The following CFAP58 variants were observed in gnomAD, a reference collection of about 807,000 sequenced individuals.
CFAP58 encodes cilia and flagella associated protein 58.
Under a neutral mutation model 119.5 loss-of-function variants are expected in CFAP58, and 88 were observed. That is an observed-to-expected ratio of 0.74 (90% confidence interval 0.62 to 0.88). The LOEUF (loss-of-function observed/expected upper bound fraction) is 0.88, where lower values mean the gene tolerates loss of function less well. Among genes scored for constraint, CFAP58 ranks in the 40% least tolerant of loss-of-function variants. The probability of loss-of-function intolerance (pLI) is 0.00; values close to 1 mark genes in which losing one functional copy is unlikely to be tolerated. For synonymous variants in CFAP58, 365 were observed against 366.3 expected (o/e 1.00, Z 0.04); for missense variants, 990 against 1,021.2 (o/e 0.97, Z 0.42).
At position 104,358,632 on chromosome 10, in the gene CFAP58, C is replaced by T; in HGVS notation, c.291+10C>T. On this transcript the variant is annotated intron_variant, in intron 2 of 17. Coordinates refer to ENST00000369704, the MANE Select transcript of CFAP58 (RefSeq NM_001008723.2). The stretch of plus-strand genomic sequence containing the variant: ...TGCATCCCTAAAGAAGGTCAGTGAT[C>T]TTCTAGAAATGGAATGAACCTGAAT... 1 of 1,601,580 alleles carries T rather than the reference C, an allele frequency of 6.2e-7. No homozygotes were observed. The highest frequency in any genetic ancestry group is 8.5e-7 in the Non-Finnish European group (1 of 1,171,828).
At chr10:104,388,951 A>G (rs887409231) in intron 9 of CFAP58, among the ~76,000 whole-genome samples, 4 of 152,118 alleles carry the variant, frequency 2.6e-5, no homozygotes, top group African/African-American at 9.7e-5. Context: ...AAAACTTTCT[A>G]TATTTGGATG....
intron 3 of CFAP58, among the ~76,000 whole-genome samples, chr10:104,364,022 A>G (rs2014706613): frequency 6.6e-6 from 1 of 152,224 alleles, no homozygotes; most frequent in Non-Finnish European, 1.5e-5. Flanking sequence ...AATTCAAATC[A>G]ATGAATATTA....
At position 104,416,184 on chromosome 10, in the gene CFAP58, C is replaced by G. The variant is rs145140116; in HGVS notation, c.2256+9391C>G. 3.9e-5 allele frequency among the ~76,000 whole-genome samples: 6 copies of G among 152,290 alleles called. No homozygotes were observed. The East Asian group carries it at 9.6e-4, about 24-fold the overall frequency. ...CATGTGTGGAAGTAGTGATGTATTA[C>G]TAGAAGGGTTAATTACGTTCGGGGG... On this transcript the variant is annotated intron_variant, in intron 15 of 17. Transcript: ENST00000369704.
Position 104,364,753 on chromosome 10 carries a change from T to C in CFAP58, c.461T>C (p.Phe154Ser), listed in dbSNP as rs144185091. ...TTTAGCATCCGAGATTTACTGAGGT[T>C]CAAAGAAGAAGTGACAAAGGAGAGA... ...QHSNIRDLLRFKEEVTKERDQ... is the reference protein window; with the variant it reads ...QHSNIRDLLRSKEEVTKERDQ... Residue 154 changes from phenylalanine (F) to serine (S), a missense_variant, in exon 4 of 18, where the codon TTC becomes TCC. Physicochemically the swap from Phe to Ser is radical, Grantham distance 155. Coordinates refer to ENST00000369704, the MANE Select transcript of CFAP58 (RefSeq NM_001008723.2). 0.01 allele frequency: 16,140 copies of C among 1,610,878 alleles called. 107 individuals are homozygous for C. The highest frequency in any genetic ancestry group is 0.012 in the Non-Finnish European group (14,681 of 1,179,074).
At chr10:104,393,496 G>C (rs769352236) in intron 11 of CFAP58, 21 bp downstream of exon 11, 21 of 1,602,824 alleles carry the variant, frequency 1.3e-5, no homozygotes, top group Non-Finnish European at 1.8e-5. Flanking sequence ...CATAGTAAAA[G>C]CAAAGTACCA....
chr10:104,427,055 A>G (rs138990859), intron 15 of CFAP58, among the ~76,000 whole-genome samples: 262 of 152,348 alleles, frequency 1.7e-3, no homozygotes, highest in African/African-American at 5.4e-3. Flanking sequence ...TTGCTGTTAC[A>G]ATGCCCAAGG....
chr10:104,371,193 T>G, intron 7 of CFAP58, 139 bp downstream of exon 7: 1 of 735,318 alleles, frequency 1.4e-6, no homozygotes, highest in Non-Finnish European at 2.1e-6. Context: ...TGGTAAACAG[T>G]CAATATGGGG....
chr10:104,340,194 C>T, the CFAP58 span, among the ~76,000 whole-genome samples: 28 of 152,282 alleles, frequency 1.8e-4, no homozygotes, highest in Admixed American at 4.6e-4. Flanking sequence ...ATGAACTGGC[C>T]TCTGCTTATC....
At chr10:104,368,683 G>C (rs902800230) in intron 6 of CFAP58, 123 bp downstream of exon 6, 3 of 1,013,670 alleles carry the variant, frequency 3.0e-6, no homozygotes, top group Non-Finnish European at 4.4e-6. Flanking sequence ...ACACATCAGA[G>C]GCAGGTGCAA....
intron 9 of CFAP58, among the ~76,000 whole-genome samples, chr10:104,384,875 TAG>T (rs2011890779): frequency 6.6e-6 from 1 of 151,496 alleles, no homozygotes; most frequent in Admixed American, 6.6e-5. Context: ...GAGCAGGAAA[TAG>T]GGAGTAGATA....
chr10:104,448,572 TC>T (rs951412965), intron 16 of CFAP58, among the ~76,000 whole-genome samples: 10 of 152,236 alleles, frequency 6.6e-5, no homozygotes, highest in Non-Finnish European at 1.3e-4. Context: ...TTCTGGCACT[TC>T]CTGCCCAATG....
intron 16 of CFAP58, 117 bp from the exon 17 acceptor site, chr10:104,449,954 A>C: frequency 1.0e-6 from 1 of 1,000,656 alleles, no homozygotes; most frequent in Non-Finnish European, 1.5e-6. Flanking sequence ...ATTAATTGTG[A>C]AACTTGGGCA....
chr10:104,437,846 G>T (rs147396860), intron 15 of CFAP58, among the ~76,000 whole-genome samples: 2,081 of 152,088 alleles, frequency 0.014, 30 homozygotes, highest in South Asian at 0.053. Flanking sequence ...AACCATAAAA[G>T]AAATATGTAT....
intron 14 of CFAP58, among the ~76,000 whole-genome samples, chr10:104,405,958 G>A (rs1397491678): frequency 3.3e-5 from 5 of 152,170 alleles, no homozygotes; most frequent in Non-Finnish European, 7.4e-5. Flanking sequence ...TTAACCAGGT[G>A]TGGTGGCATG....
chr10:104,403,770 G>C lies in CFAP58; in HGVS notation c.2081G>C (p.Arg694Thr), dbSNP rs2012309345. The C allele has an allele frequency of 6.2e-7, 1 of 1,612,400 alleles. No homozygotes were observed. The highest frequency in any genetic ancestry group is 1.3e-5 in the African/African-American group (1 of 74,870). The change falls in exon 14 of 18, where the codon AGG becomes ACG. Residue 694 changes from arginine to threonine, a missense_variant. Physicochemically the swap from Arg to Thr is moderately conservative, Grantham distance 71 (BLOSUM62 -1). Transcript: ENST00000369704. ...FHMQRELLKE[R>T]TRCRALEEEL... ...ATGCAAAGAGAATTGTTGAAGGAGAGGACACGCTGCCGAGCCCTGGAGGAG... is the reference window on the plus strand; with the variant it reads ...ATGCAAAGAGAATTGTTGAAGGAGACGACACGCTGCCGAGCCCTGGAGGAG...
intron 5 of CFAP58, 129 bp from the exon 6 acceptor site, chr10:104,368,294 A>T (rs991763106): frequency 2.5e-6 from 2 of 785,308 alleles, no homozygotes; most frequent in African/African-American, 3.5e-5. Context: ...AATAAAGAAC[A>T]ATTTCTACAA....
intron 15 of CFAP58, among the ~76,000 whole-genome samples, chr10:104,431,241 A>G (rs764777322): frequency 9.2e-5 from 14 of 152,240 alleles, no homozygotes; most frequent in Non-Finnish European, 1.9e-4. Context: ...AGGGATACAG[A>G]AAGACACAGG....
At position 104,408,960 on chromosome 10, in the gene CFAP58, C is replaced by T. The variant is rs114164367; in HGVS notation, c.2256+2167C>T. Reference sequence around the variant, plus strand: ...ACAAAGAATACAAATATTAGCCAGGCGTGGGGGCGTGCACGTTTAGTCCCC... The same window carrying T: ...ACAAAGAATACAAATATTAGCCAGGTGTGGGGGCGTGCACGTTTAGTCCCC... On this transcript the variant is annotated intron_variant, in intron 15 of 17. Transcript: ENST00000369704. 6.3e-3 allele frequency among the ~76,000 whole-genome samples: 965 copies of T among 152,126 alleles called. 12 individuals carry two copies. Among genetic ancestry groups the T allele is most frequent in the African/African-American group, 0.022 (916 of 41,516 alleles).
intron 15 of CFAP58, among the ~76,000 whole-genome samples, chr10:104,425,792 G>A (rs1248476563): frequency 6.6e-6 from 1 of 152,158 alleles, no homozygotes; most frequent in Middle Eastern, 3.2e-3. Context: ...GTGTGACTTG[G>A]TAAAAGTGAC....
Sources: allele counts gnomAD v4.1 joint callset (sites outside exome capture counted in the v4.1 genomes callset), GRCh38; gene constraint gnomAD v4.1.1; transcripts MANE v1.5; gene names NCBI Gene and HGNC (gene_info 2026-07-23, HGNC 2026-07-21).